IGF2R: variants seen among roughly 807,000 people sequenced by gnomAD.
IGF2R encodes the protein insulin like growth factor 2 receptor.
A neutral mutation model predicts 270.6 loss-of-function variants in IGF2R; 91 were observed. That is an observed-to-expected ratio of 0.34 (90% CI 0.28 to 0.40). The LOEUF (loss-of-function observed/expected upper bound fraction) is 0.40, where lower values mean the gene tolerates loss of function less well. Ranked by LOEUF, IGF2R falls within the 10% of genes least tolerant of loss-of-function variation. The pLI, the probability that IGF2R is intolerant of heterozygous loss-of-function variation, is 1.00. For synonymous variants in IGF2R, 1,316 were observed against 1,258.9 expected (o/e 1.05, Z -0.96); for missense variants, 2,805 against 3,188.3 (o/e 0.88, Z 2.90).
At chr6:159,991,692 C>T (rs768491170) in intron 2 of IGF2R, among the ~76,000 whole-genome samples, 1 of 152,176 alleles carries the variant, frequency 6.6e-6, no homozygotes, top group Admixed American at 6.5e-5. Context: ...AGTGCTCCCC[C>T]GACTCCCATT....
chr6:160,092,514 T>G (rs1018272257), intron 44 of IGF2R, among the ~76,000 whole-genome samples: 2 of 152,258 alleles, frequency 1.3e-5, no homozygotes, highest in Non-Finnish European at 2.9e-5. Flanking sequence ...CTTTTCACTT[T>G]CTTCATTCAC....
At chr6:160,022,831 A>G (rs968160204) in intron 4 of IGF2R, among the ~76,000 whole-genome samples, 8 of 152,188 alleles carry the variant, frequency 5.3e-5, no homozygotes, top group African/African-American at 1.7e-4. Context: ...ACTAAGGGCG[A>G]TGTTTCATCA....
chr6:160,069,643 C>T (rs897617164), intron 30 of IGF2R, among the ~76,000 whole-genome samples: 1 of 152,214 alleles, frequency 6.6e-6, no homozygotes, highest in Admixed American at 6.5e-5. Context: ...TACACTCACG[C>T]CCGCCTGCCC....
chr6:160,025,294 T>TA (rs1371294385), intron 5 of IGF2R, among the ~76,000 whole-genome samples: 1 of 152,242 alleles, frequency 6.6e-6, no homozygotes, highest in Non-Finnish European at 1.5e-5. Context: ...GCCAAGTTTC[T>TA]AAAACCCAGC....
intron 10 of IGF2R, among the ~76,000 whole-genome samples, chr6:160,037,271 G>T (rs950080959): frequency 6.6e-6 from 1 of 152,192 alleles, no homozygotes; most frequent in African/African-American, 2.4e-5. Context: ...TTGTGGGAGG[G>T]TTTTGAGCTG....
At position 160,047,880 on chromosome 6, in the gene IGF2R, C is replaced by T; in HGVS notation, c.2318C>T (p.Ser773Phe). 1 of 1,613,380 alleles carries T rather than the reference C, an allele frequency of 6.2e-7. No homozygotes were observed. Among genetic ancestry groups the T allele is most frequent in the Non-Finnish European group, 8.5e-7 (1 of 1,179,268 alleles). The change falls in exon 17 of 48, where the codon TCC (serine) becomes TTC (phenylalanine). Residue 773 changes from serine to phenylalanine, a missense_variant. Around this residue, in one of 2 missense-constraint regions of IGF2R, gnomAD observed 954 missense variants for 981.1 expected, o/e 0.97. Transcript: ENST00000356956. ...EPLECVVTDP[S>F]TLEQYDLSSL... ...CTGGAATGCGTAGTGACCGACCCCT[C>T]CACGCTGGAGCAGTACGACCTCTCC... is the stretch of plus-strand genomic sequence containing the variant.
intron 1 of IGF2R, among the ~76,000 whole-genome samples, chr6:159,989,234 G>A (rs973161654): frequency 2.0e-5 from 3 of 152,064 alleles, no homozygotes; most frequent in Non-Finnish European, 2.9e-5. Context: ...AGTTCTTGGC[G>A]CCTCGTCTTC....
chr6:160,104,264 C>T (rs1418376912), intron 47 of IGF2R, among the ~76,000 whole-genome samples: 1 of 152,122 alleles, frequency 6.6e-6, no homozygotes, highest in Non-Finnish European at 1.5e-5. Context: ...TGGAGTCCCT[C>T]CTTTGACATT....
intron 4 of IGF2R, among the ~76,000 whole-genome samples, chr6:160,021,224 A>G (rs1351383297): frequency 6.6e-6 from 1 of 152,054 alleles, no homozygotes; most frequent in Admixed American, 6.6e-5. Flanking sequence ...TCAGAGAAAT[A>G]TACAAATTAT....
intron 29 of IGF2R, among the ~76,000 whole-genome samples, chr6:160,065,421 G>T (rs981578264): frequency 6.6e-6 from 1 of 152,164 alleles, no homozygotes; most frequent in Non-Finnish European, 1.5e-5. Context: ...AAGTGCAGGT[G>T]ATTCTGTTTC....
At position 160,099,341 on chromosome 6, in the gene IGF2R, G is replaced by A. The variant is rs570179927; in HGVS notation, c.6842+2716G>A. On this transcript the variant is annotated intron_variant, in intron 45 of 47. Coordinates refer to ENST00000356956, the MANE Select transcript of IGF2R (RefSeq NM_000876.4). ...TTTTTTTTCCTCAGCTTTATGTTAT[G>A]TTATGTTATGTTATGTTATGTTATG... Among the ~76,000 whole-genome samples, 146 of 144,262 alleles carry A rather than the reference G, an allele frequency of 1.0e-3. 3 individuals are homozygous for A. The South Asian group carries it at 0.029, about 28-fold the overall frequency. The allele number at this position is 144,262 out of a possible 152,430, so 94.6% of individuals were successfully genotyped here.
chr6:160,037,840 C>T (rs755876010), intron 10 of IGF2R, among the ~76,000 whole-genome samples: 10 of 152,162 alleles, frequency 6.6e-5, no homozygotes, highest in Non-Finnish European at 1.5e-4. Context: ...GAGACCTACG[C>T]TTTTTCCATC....
At chr6:160,035,071 C>T (rs1583272025) in intron 10 of IGF2R, among the ~76,000 whole-genome samples, 1 of 152,142 alleles carries the variant, frequency 6.6e-6, no homozygotes, top group Admixed American at 6.5e-5. Context: ...AAAGCGGTGC[C>T]GCTGTCCATA....
chr6:159,979,674 C>T (rs1292342637), intron 1 of IGF2R, among the ~76,000 whole-genome samples: 1 of 152,122 alleles, frequency 6.6e-6, no homozygotes, highest in Admixed American at 6.5e-5. Flanking sequence ...ACCAGGCACC[C>T]TGGTGGGGGG....
At chr6:159,999,361 C>G (rs1784095111) in intron 2 of IGF2R, among the ~76,000 whole-genome samples, 1 of 152,174 alleles carries the variant, frequency 6.6e-6, no homozygotes, top group African/African-American at 2.4e-5. Flanking sequence ...TGTTTGGCCT[C>G]CAGAATGGCG....
chr6:160,038,771 A>C (rs1401705077), intron 10 of IGF2R, among the ~76,000 whole-genome samples: 1 of 152,098 alleles, frequency 6.6e-6, no homozygotes, highest in East Asian at 1.9e-4. Flanking sequence ...ACAGTGGCTT[A>C]GTGTACTTAT....
intron 3 of IGF2R, 44 bp from the exon 4 acceptor site, chr6:160,010,643 A>G (rs1784319169): frequency 1.8e-6 from 2 of 1,122,136 alleles, no homozygotes; most frequent in Non-Finnish European, 2.7e-6. Context: ...AATCTTTACA[A>G]TGTGTGGTAT....
At chr6:160,060,127 C>G (rs1438755912) in intron 22 of IGF2R, among the ~76,000 whole-genome samples, 1 of 150,970 alleles carries the variant, frequency 6.6e-6, no homozygotes, top group African/African-American at 2.4e-5. Context: ...GCCACCGTTG[C>G]AGTGAGTGTG....
intron 43 of IGF2R, 137 bp from the exon 44 acceptor site, chr6:160,089,779 C>G (rs1779177062): frequency 1.8e-6 from 1 of 548,724 alleles, no homozygotes; most frequent in African/African-American, 1.9e-5. Context: ...ACGTGCTGCC[C>G]TAGCGTGTCC....
Sources: allele counts gnomAD v4.1 joint callset (sites outside exome capture counted in the v4.1 genomes callset), GRCh38; gene constraint gnomAD v4.1.1; regional missense constraint gnomAD v4.1.1; transcripts MANE v1.5; gene names NCBI Gene and HGNC (gene_info 2026-07-23, HGNC 2026-07-21).